The following TRMT44 variants were observed in gnomAD, a reference collection of about 807,000 sequenced individuals.
The protein encoded by TRMT44 is tRNA methyltransferase 44 homolog.
TRMT44 carries 78 observed loss-of-function variants against 77.3 expected under a neutral mutation model. The ratio of observed to expected loss-of-function variants is 1.01; its 90% CI spans 0.84 to 1.22. The LOEUF (loss-of-function observed/expected upper bound fraction) is 1.22, where lower values mean the gene tolerates loss of function less well. TRMT44 is among the 50% of genes most tolerant of loss of function. The pLI is 0.00. For synonymous variants in TRMT44, 391 were observed against 383.3 expected, an observed-to-expected ratio of 1.02 and a Z score of -0.23; for missense variants, 1,090 against 964.4, an observed-to-expected ratio of 1.13 and a Z score of -1.73.
At chr4:8,455,675 A>G (rs73213404) in intron 6 of TRMT44, among the ~76,000 whole-genome samples, 3,986 of 152,314 alleles carry the variant, frequency 0.026, 96 homozygotes, top group African/African-American at 0.066. Context: ...GCTTCTGCTC[A>G]TTTAACATCC....
chr4:8,442,576 C>G (rs1724815809), intron 1 of TRMT44, among the ~76,000 whole-genome samples: 1 of 152,254 alleles, frequency 6.6e-6, no homozygotes, highest in African/African-American at 2.4e-5. Context: ...CGCTGTGGGT[C>G]TCTCTCACGA....
rs1382088257 is a variant in TRMT44, at chr4:8,476,031, G to A, written c.*30G>A. On this transcript the variant is annotated 3_prime_UTR_variant, in exon 11 of 11. Transcript: ENST00000389737. ...CATCCTTGCCAGCCGAGGCCTGGTT[G>A]GGGAGGCCAAACCAAGGAGAGCTTC... 1.5e-5 allele frequency: 24 copies of A among 1,604,162 alleles called. No individual in the cohort carries two copies. Among genetic ancestry groups the A allele is most frequent in the Non-Finnish European group, 2.0e-5 (23 of 1,173,314 alleles).
rs373206690 is a variant in TRMT44, at chr4:8,467,331, A to G, written c.1495-583A>G. Among the ~76,000 whole-genome samples the G allele has an allele frequency of 2.6e-5, 4 of 152,178 alleles. No individual in the cohort carries two copies. The East Asian group carries it at 5.8e-4, about 22-fold the overall frequency. On this transcript the variant is annotated intron_variant, in intron 8 of 10. Coordinates refer to ENST00000389737, the MANE Select transcript of TRMT44 (RefSeq NM_152544.3). Reference sequence around the variant, plus strand: ...CTAGGACGGTGCGGCTGCCGGGCCCAGGAGTGTGGACTCTTGAGTTTAGGC... The same window carrying G: ...CTAGGACGGTGCGGCTGCCGGGCCCGGGAGTGTGGACTCTTGAGTTTAGGC...
At chr4:8,480,562 C>T (rs1727584028), downstream of TRMT44, among the ~76,000 whole-genome samples, 1 of 152,210 alleles carries the variant, frequency 6.6e-6, no homozygotes, top group African/African-American at 2.4e-5. Context: ...CTTGCTCTAG[C>T]CCACTTACCC....
At chr4:8,464,214 C>A in intron 7 of TRMT44, 123 bp downstream of exon 7, 2 of 667,102 alleles carry the variant, frequency 3.0e-6, no homozygotes, top group Non-Finnish European at 5.2e-6. Flanking sequence ...TGGGTAGTTC[C>A]AATTGTTGAA....
At chr4:8,514,175 A>C in the TRMT44 span, among the ~76,000 whole-genome samples, 159 of 151,946 alleles carry the variant, frequency 1.0e-3, 1 homozygote, top group African/African-American at 3.8e-3. Context: ...CCAGCTCTGC[A>C]CAGGGCACCT....
At chr4:8,508,231 C>G in the TRMT44 span, among the ~76,000 whole-genome samples, 11 of 152,322 alleles carry the variant, frequency 7.2e-5, no homozygotes, top group African/African-American at 2.4e-4. Flanking sequence ...TTTTACAGCT[C>G]AGGTTTCTGT....
chr4:8,471,817 C>A (rs912268498), intron 10 of TRMT44, among the ~76,000 whole-genome samples: 1 of 152,224 alleles, frequency 6.6e-6, no homozygotes, highest in Non-Finnish European at 1.5e-5. Context: ...CAGACACATC[C>A]CTGGCCTTCT....
intron 2 of TRMT44, among the ~76,000 whole-genome samples, chr4:8,487,398 A>C (rs1727843440): frequency 6.6e-6 from 1 of 152,074 alleles, no homozygotes; most frequent in Non-Finnish European, 1.5e-5. Flanking sequence ...CTTACCCTCC[A>C]GAAAAGCGGG....
At chr4:8,472,907 G>T (rs1042600489) in intron 10 of TRMT44, among the ~76,000 whole-genome samples, 18 of 152,180 alleles carry the variant, frequency 1.2e-4, no homozygotes, top group African/African-American at 4.1e-4. Flanking sequence ...ACTTGTTTTT[G>T]TTGGTTTCCT....
At chr4:8,506,586 C>T in the TRMT44 span, among the ~76,000 whole-genome samples, 24 of 152,356 alleles carry the variant, frequency 1.6e-4, no homozygotes, top group African/African-American at 5.5e-4. Context: ...AGCCCCTTCC[C>T]CCCTCAGCCT....
At chr4:8,483,977 G>C (rs1475223592) in intron 2 of TRMT44, among the ~76,000 whole-genome samples, 2 of 152,080 alleles carry the variant, frequency 1.3e-5, no homozygotes, top group African/African-American at 4.8e-5. Flanking sequence ...GGAAGGGAGG[G>C]GGCCTGAATA....
In TRMT44 at chr4:8,471,069, C is replaced by A. The variant is rs753110640; in HGVS notation, c.1928-15C>A. 193 of 1,548,566 alleles carry A rather than the reference C, an allele frequency of 1.2e-4. No homozygotes were observed. The highest frequency in any genetic ancestry group is 5.2e-4 in the Middle Eastern group (3 of 5,792). On this transcript the variant is annotated splice_polypyrimidine_tract_variant and intron_variant, in intron 9 of 10. Transcript: ENST00000389737. ...GCTGTTGTTTTGGGGAAAAAAAAAA[C>A]CCGTTTTTCCACAGAGAGCCTATCT...
intron 8 of TRMT44, among the ~76,000 whole-genome samples, 197 bp from the exon 9 acceptor site, chr4:8,467,717 C>T (rs576224260): frequency 6.6e-6 from 1 of 152,188 alleles, no homozygotes; most frequent in Non-Finnish European, 1.5e-5. Context: ...AAGTGATCCG[C>T]CTGCCTTGGG....
rs1560221769 is a variant in TRMT44 at position 8,449,832 on chromosome 4, AT to A, written c.899del (p.Met300ArgfsTer42). 2 of 1,535,718 alleles carry A rather than the reference AT, an allele frequency of 1.3e-6. No individual in the cohort carries two copies. On this transcript the variant is annotated frameshift_variant, in exon 3 of 11. Coordinates refer to ENST00000389737, the MANE Select transcript of TRMT44 (RefSeq NM_152544.3). LOFTEE classifies it high-confidence loss of function. ...FKSTLSLISI[M>X]KYSKAYQELK... ...AAGCACCCTTTCCCTCATCTCCATT[AT>A]GAAGTATAGCAAGGCTTACCAGGAA...
Position 8,475,915 on chromosome 4 carries a change from G to T in TRMT44, c.2188G>T (p.Ala730Ser). The change falls in exon 11 of 11, where the codon GCT becomes TCT. Residue 730 changes from alanine (A) to serine (S), a missense_variant. Physicochemically the swap from Ala to Ser is moderately conservative, Grantham distance 99. Transcript: ENST00000389737. Reference sequence around the variant, plus strand: ...CTTCATGCATCACCCTGATGGCTGCGCTCTGTCCACGGACTGCTGCCCGTT... The same window carrying T: ...CTTCATGCATCACCCTGATGGCTGCTCTCTGTCCACGGACTGCTGCCCGTT... ...WFFMHHPDGC[A>S]LSTDCCPFAH... 1 of 1,614,144 alleles carries T rather than the reference G, an allele frequency of 6.2e-7. No homozygotes were observed. The highest frequency in any genetic ancestry group is 8.5e-7 in the Non-Finnish European group (1 of 1,180,044).
At chr4:8,465,314 C>G (rs1202521697) in intron 7 of TRMT44, 64 bp from the exon 8 acceptor site, 39 of 1,499,668 alleles carry the variant, frequency 2.6e-5, no homozygotes, top group Non-Finnish European at 3.3e-5. Context: ...TGGCTTTGTT[C>G]CGAATTTCCT....
rs2109066027 is a variant in TRMT44, at chr4:8,440,792, C to T, written c.-31C>T. 1.4e-6 allele frequency: 2 copies of T among 1,380,506 alleles called. No individual in the cohort carries two copies. The highest frequency in any genetic ancestry group is 1.9e-6 in the Non-Finnish European group (2 of 1,071,978). The allele number at this position is 1,380,506 out of a possible 1,614,324, so 85.5% of individuals were successfully genotyped here. A position where few individuals can be genotyped will look rare whatever the true frequency, so the allele number is the denominator to read the frequency against. On this transcript the variant is annotated 5_prime_UTR_variant, in exon 1 of 11. Transcript: ENST00000389737. The stretch of plus-strand genomic sequence containing the variant: ...ACCGGGCTGCGTCATCTCGGCGCGC[C>T]GCTGCCAGGGCTGTACACCTGCTGG...
Position 8,467,811 on chromosome 4 carries a change from C to G in TRMT44, c.1495-103C>G, listed in dbSNP as rs143883235. The G allele has an allele frequency of 1.2e-4, 154 of 1,244,770 alleles. No homozygotes were observed. In the East Asian group the frequency reaches 3.5e-3, roughly 29 times the overall value. The allele number at this position is 1,244,770 out of a possible 1,614,324, so 77.1% of individuals were successfully genotyped here. On this transcript the variant is annotated intron_variant, in intron 8 of 10. Transcript: ENST00000389737. ...TAAATCAGGATTTTTTCATGATAGA[C>G]ATTGAAAACTTGTGATTTGTACTCC...
Sources: gnomAD v4.1 joint callset for allele counts (sites outside exome capture counted in the v4.1 genomes callset) on GRCh38, gnomAD v4.1.1 for gene constraint, MANE v1.5 for transcripts, NCBI Gene and HGNC (gene_info 2026-07-23, HGNC 2026-07-21) for gene names.